PRKAA2: variants seen among roughly 807,000 people sequenced by gnomAD.
PRKAA2 encodes protein kinase AMP-activated catalytic subunit alpha 2.
PRKAA2 carries 40 observed loss-of-function variants against 56.3 expected under a neutral mutation model. The observed-to-expected ratio is 0.71, with a 90% confidence interval of 0.55 to 0.92. The LOEUF (loss-of-function observed/expected upper bound fraction) is 0.92, where lower values mean the gene tolerates loss of function less well. PRKAA2 is among the 40% of genes least tolerant of loss of function. The pLI, the probability that PRKAA2 is intolerant of heterozygous loss-of-function variation, is 0.00. For synonymous variants in PRKAA2, 214 were observed against 234.2 expected (o/e 0.91, Z 0.79); for missense variants, 542 against 686.9 (o/e 0.79, Z 2.36).
At position 56,695,947 on chromosome 1, in the gene PRKAA2, T is replaced by C. The variant is rs753026811; in HGVS notation, c.576T>C (p.Gly192=). 3.7e-6 allele frequency: 6 copies of C among 1,612,896 alleles called. No homozygotes were observed. The Admixed American group carries it at 1.0e-4, about 27-fold the overall frequency. The change falls in exon 6 of 9, where the codon GGT becomes GGC. Residue 192 remains glycine (G), a synonymous_variant. Coordinates refer to ENST00000371244, the MANE Select transcript of PRKAA2 (RefSeq NM_006252.4). ...TCTTTTTTCTTAGATTGTATGCAGG[T>C]CCTGAAGTTGATATCTGGAGCTGTG... The part of the protein sequence containing the change: ...PEVISGRLYA[G]PEVDIWSCGV...
chr1:56,657,524 A>C (rs746987717), intron 1 of PRKAA2, among the ~76,000 whole-genome samples: 4 of 152,104 alleles, frequency 2.6e-5, no homozygotes, highest in African/African-American at 4.8e-5. Context: ...GAAAATACAA[A>C]AATTGGCCAG....
intron 5 of PRKAA2, among the ~76,000 whole-genome samples, chr1:56,694,196 C>T (rs1021584811): frequency 6.6e-6 from 1 of 151,944 alleles, no homozygotes. Context: ...TTTAATAATA[C>T]CTTGCATATT....
intron 1 of PRKAA2, among the ~76,000 whole-genome samples, chr1:56,661,053 A>T (rs542002810): frequency 1.3e-5 from 2 of 152,100 alleles, no homozygotes; most frequent in Non-Finnish European, 2.9e-5. Context: ...TATGTGCATT[A>T]CATAACGCTG....
chr1:56,678,279 T>G (rs1644128312), intron 2 of PRKAA2, among the ~76,000 whole-genome samples: 1 of 152,224 alleles, frequency 6.6e-6, no homozygotes, highest in Admixed American at 6.5e-5. Flanking sequence ...AGAAGCTTAT[T>G]GACATCGTCT....
intron 1 of PRKAA2, among the ~76,000 whole-genome samples, chr1:56,667,318 G>A (rs1644043467): frequency 6.6e-6 from 1 of 151,972 alleles, no homozygotes; most frequent in Admixed American, 6.6e-5. Flanking sequence ...ACTGTTTAGG[G>A]TCGTGAGGGG....
In PRKAA2 at chr1:56,657,676, A is replaced by AAAATAAAT. The variant is rs57230699; in HGVS notation, c.94+12211_94+12218dup. 4.6e-5 allele frequency among the ~76,000 whole-genome samples: 7 copies of AAAATAAAT among 152,092 alleles called. No homozygotes were observed. The South Asian group carries it at 8.3e-4, about 18-fold the overall frequency. ...GGGTGACAGAGCAAGACTCCATCTC[A>AAAATAAAT]AAATAAATAAATAAATAAATAAAAC... On this transcript the variant is annotated intron_variant, in intron 1 of 8. Transcript: ENST00000371244.
chr1:56,653,383 A>G (rs2100380657), intron 1 of PRKAA2, among the ~76,000 whole-genome samples: 1 of 152,108 alleles, frequency 6.6e-6, no homozygotes, highest in South Asian at 2.1e-4. Context: ...TAAATAGGAA[A>G]CAATGTTATA....
intron 1 of PRKAA2, among the ~76,000 whole-genome samples, chr1:56,666,804 A>G (rs1191127754): frequency 6.6e-6 from 1 of 152,210 alleles, no homozygotes; most frequent in Admixed American, 6.5e-5. Flanking sequence ...CACTATATGA[A>G]GTCCTTTAAT....
chr1:56,691,737 C>T (rs566613922), intron 3 of PRKAA2, among the ~76,000 whole-genome samples: 1 of 152,276 alleles, frequency 6.6e-6, no homozygotes, highest in South Asian at 2.1e-4. Flanking sequence ...TCCATAAAAT[C>T]ATGTTGAAGA....
intron 6 of PRKAA2, among the ~76,000 whole-genome samples, chr1:56,702,329 T>C (rs857151): frequency 0.97 from 147,819 of 152,224 alleles, 71,791 homozygotes; most frequent in East Asian, 1. Context: ...GTGATCCGCC[T>C]GCCTCGGCCT....
chr1:56,715,074 C>A lies in PRKAA2; in HGVS notation c.*7361C>A, dbSNP rs72907359. On this transcript the variant is annotated 3_prime_UTR_variant, in exon 9 of 9. Coordinates refer to ENST00000371244, the MANE Select transcript of PRKAA2 (RefSeq NM_006252.4). ...AGTGCTTTTCTGTTCAAATAAACTCCGATTCAAATTTCAGTTTTGTTTGTT... is the reference window on the plus strand; with the variant it reads ...AGTGCTTTTCTGTTCAAATAAACTCAGATTCAAATTTCAGTTTTGTTTGTT... The A allele has an allele frequency of 3.3e-5, 5 of 151,710 alleles. No individual in the cohort carries two copies. Among genetic ancestry groups the A allele is most frequent in the Non-Finnish European group, 7.4e-5 (5 of 67,930 alleles). The allele number at this position is 151,710 out of a possible 1,614,324, so 9.4% of individuals were successfully genotyped here. A position where few individuals can be genotyped will look rare whatever the true frequency, so the allele number is the denominator to read the frequency against.
intron 1 of PRKAA2, among the ~76,000 whole-genome samples, chr1:56,664,834 A>G (rs1362266167): frequency 6.8e-6 from 1 of 147,946 alleles, no homozygotes; most frequent in Non-Finnish European, 1.5e-5. Flanking sequence ...ATAGAAACAC[A>G]TGTATGCATA....
At position 56,714,713 on chromosome 1, in the gene PRKAA2, G is replaced by A. The variant is rs1434569621; in HGVS notation, c.*7000G>A. On this transcript the variant is annotated 3_prime_UTR_variant, in exon 9 of 9. Transcript: ENST00000371244. ...GTTGTTGTAGAACTGTGAACTCTAAGGATAGTATCTTTATTGTTTTAGGAA... is the reference window on the plus strand; with the variant it reads ...GTTGTTGTAGAACTGTGAACTCTAAAGATAGTATCTTTATTGTTTTAGGAA... 1 of 152,078 alleles carries A rather than the reference G, an allele frequency of 6.6e-6. No individual in the cohort carries two copies. The highest frequency in any genetic ancestry group is 1.5e-5 in the Non-Finnish European group (1 of 68,006). 9.4% of individuals were successfully genotyped at this position (152,078 alleles called of 1,614,324 possible).
Position 56,664,710 on chromosome 1 carries a change from A to G in PRKAA2, c.95-9671A>G, listed in dbSNP as rs1427386444. 2.6e-5 allele frequency among the ~76,000 whole-genome samples: 4 copies of G among 152,106 alleles called. No homozygotes were observed. The East Asian group carries it at 7.7e-4, about 29-fold the overall frequency. On this transcript the variant is annotated intron_variant, in intron 1 of 8. Transcript: ENST00000371244. ...ATCACAGCTCCAAAATTGATTGCTT[A>G]TATGCAATTTGGTTAAGTGTCTTAA...
chr1:56,668,184 A>G (rs1416865249), intron 1 of PRKAA2, among the ~76,000 whole-genome samples: 1 of 149,668 alleles, frequency 6.7e-6, no homozygotes, highest in African/African-American at 2.5e-5. Context: ...GGGACTCTTT[A>G]GAGTACACTC....
At chr1:56,652,247 G>A (rs988945219) in intron 1 of PRKAA2, among the ~76,000 whole-genome samples, 8 of 151,918 alleles carry the variant, frequency 5.3e-5, no homozygotes, top group Non-Finnish European at 8.8e-5. Flanking sequence ...TCCTGACCTC[G>A]TAATACGCCC....
chr1:56,697,180 A>T (rs1184864400), intron 6 of PRKAA2, among the ~76,000 whole-genome samples: 2 of 150,648 alleles, frequency 1.3e-5, no homozygotes, highest in African/African-American at 2.4e-5. Flanking sequence ...CACCCAGCTA[A>T]TTTTTTTTAA....
intron 8 of PRKAA2, among the ~76,000 whole-genome samples, chr1:56,707,173 A>T (rs1569802042): frequency 6.6e-6 from 1 of 152,116 alleles, no homozygotes; most frequent in Admixed American, 6.5e-5. Context: ...GTTGTCAAGG[A>T]TATGCTTTCT....
chr1:56,664,024 G>C (rs1324572827), intron 1 of PRKAA2, among the ~76,000 whole-genome samples: 1 of 152,166 alleles, frequency 6.6e-6, no homozygotes, highest in African/African-American at 2.4e-5. Flanking sequence ...ACTTGACACA[G>C]AAGGTCAGGG....
Sources: gnomAD v4.1 joint callset for allele counts (sites outside exome capture counted in the v4.1 genomes callset) on GRCh38, gnomAD v4.1.1 for gene constraint, MANE v1.5 for transcripts, NCBI Gene and HGNC (gene_info 2026-07-23, HGNC 2026-07-21) for gene names.